The following CHN2 variants were observed in gnomAD, a reference collection of about 807,000 sequenced individuals.
The protein encoded by CHN2 is beta-chimaerin.
Under a neutral mutation model 56.3 loss-of-function variants are expected in CHN2, and 35 were observed. The observed-to-expected ratio is 0.62, with a 90% confidence interval of 0.47 to 0.82. The LOEUF (loss-of-function observed/expected upper bound fraction) is 0.82, where lower values mean the gene tolerates loss of function less well. Among genes scored for constraint, CHN2 ranks in the 40% least tolerant of loss-of-function variants. The pLI is 0.00. For missense variants in CHN2, 491 were observed against 580.5 expected (o/e 0.85, Z 1.58); for synonymous variants, 210 against 212.8 (o/e 0.99, Z 0.12).
At chr7:29,309,691 C>G (rs1473925240) in intron 1 of CHN2, among the ~76,000 whole-genome samples, 1 of 152,192 alleles carries the variant, frequency 6.6e-6, no homozygotes, top group Non-Finnish European at 1.5e-5. Flanking sequence ...TCTGTTGATT[C>G]ACGAAGATCA....
chr7:29,472,175 C>A (rs10255035), intron 6 of CHN2, among the ~76,000 whole-genome samples: 61,686 of 151,644 alleles, frequency 0.41, 12,805 homozygotes, highest in African/African-American at 0.46. Context: ...AGAGAACCAG[C>A]TCCACAATGC....
intron 2 of CHN2, among the ~76,000 whole-genome samples, chr7:29,362,867 C>G (rs141414732): frequency 2.6e-5 from 4 of 152,286 alleles, no homozygotes; most frequent in Non-Finnish European, 5.9e-5. Flanking sequence ...GGCATCTCCT[C>G]GAAGGCACAG....
At chr7:29,261,604 T>G (rs1280713455) in intron 1 of CHN2, among the ~76,000 whole-genome samples, 1 of 152,252 alleles carries the variant, frequency 6.6e-6, no homozygotes, top group Non-Finnish European at 1.5e-5. Flanking sequence ...TGCCTTATAC[T>G]GGAATCCTTA....
At chr7:29,214,153 C>T (rs1785162196) in intron 1 of CHN2, among the ~76,000 whole-genome samples, 1 of 152,184 alleles carries the variant, frequency 6.6e-6, no homozygotes, top group Non-Finnish European at 1.5e-5. Context: ...CCTTTTTAGA[C>T]TTCCATTTAT....
rs1231251134 is a variant in CHN2 at position 29,327,428 on chromosome 7, C to G, written c.50-27197C>G. ...AGCTTCAGGGACTTCGGTTTTGCTTCTGGAGAGTGCCGAAACTTCTAGTTT... is the reference window on the plus strand; with the variant it reads ...AGCTTCAGGGACTTCGGTTTTGCTTGTGGAGAGTGCCGAAACTTCTAGTTT... On this transcript the variant is annotated intron_variant, in intron 1 of 12. Coordinates refer to ENST00000222792, the MANE Select transcript of CHN2 (RefSeq NM_004067.4). 3.9e-5 allele frequency among the ~76,000 whole-genome samples: 6 copies of G among 152,174 alleles called. No homozygotes were observed. The South Asian group carries it at 6.2e-4, about 16-fold the overall frequency.
At chr7:29,180,387 C>T (rs572288706) in intron 2 of CHN2, among the ~76,000 whole-genome samples, 70 of 151,974 alleles carry the variant, frequency 4.6e-4, no homozygotes, top group African/African-American at 1.5e-3. Context: ...ATTAGCCAGG[C>T]GTGGTGGCAC....
chr7:29,212,538 C>A, intron 1 of CHN2: 1 of 1,512,592 alleles, frequency 6.6e-7, no homozygotes, highest in Non-Finnish European at 9.2e-7. Context: ...CCCATTGCTG[C>A]AGAGAATAAT....
chr7:29,395,179 C>G (rs1187643331), intron 4 of CHN2, among the ~76,000 whole-genome samples: 1 of 152,176 alleles, frequency 6.6e-6, no homozygotes. Context: ...ATACCTTCAA[C>G]TTTTGAAATT....
intron 8 of CHN2, among the ~76,000 whole-genome samples, chr7:29,498,840 C>A (rs1044476999): frequency 6.9e-6 from 1 of 144,552 alleles, no homozygotes; most frequent in Non-Finnish European, 1.5e-5. Flanking sequence ...CAGCTTACTG[C>A]AACCTCTGCC....
At chr7:29,365,934 G>A (rs1417399855) in intron 2 of CHN2, among the ~76,000 whole-genome samples, 2 of 152,148 alleles carry the variant, frequency 1.3e-5, no homozygotes, top group African/African-American at 4.8e-5. Context: ...AAGAGGAGTC[G>A]ACACACTTTG....
intron 1 of CHN2, among the ~76,000 whole-genome samples, chr7:29,327,233 C>T (rs1795876532): frequency 6.6e-6 from 1 of 152,182 alleles, no homozygotes; most frequent in Admixed American, 6.5e-5. Flanking sequence ...GTGAGCTCCC[C>T]AGACCACTGA....
chr7:29,225,492 C>T (rs1786119139), intron 1 of CHN2, among the ~76,000 whole-genome samples: 1 of 152,148 alleles, frequency 6.6e-6, no homozygotes, highest in Non-Finnish European at 1.5e-5. Flanking sequence ...GCCTGAGTGC[C>T]TTCTGACTAT....
intron 9 of CHN2, among the ~76,000 whole-genome samples, chr7:29,504,271 C>T (rs758490458): frequency 1.2e-4 from 19 of 152,018 alleles, no homozygotes; most frequent in Admixed American, 1.1e-3. Context: ...ACCCCATTTG[C>T]GCTGCTGTGA....
intron 3 of CHN2, among the ~76,000 whole-genome samples, chr7:29,371,903 T>C (rs184740992): frequency 1.3e-5 from 2 of 152,300 alleles, no homozygotes; most frequent in Non-Finnish European, 2.9e-5. Context: ...TTGTCATTTC[T>C]TGCCTGGATT....
intron 2 of CHN2, among the ~76,000 whole-genome samples, chr7:29,358,900 C>G (rs1798525279): frequency 6.6e-6 from 1 of 152,192 alleles, no homozygotes; most frequent in African/African-American, 2.4e-5. Flanking sequence ...TCCAGCAACT[C>G]AAATGACATT....
At chr7:29,493,287 T>C (rs1788858493) in intron 7 of CHN2, among the ~76,000 whole-genome samples, 1 of 152,150 alleles carries the variant, frequency 6.6e-6, no homozygotes, top group Non-Finnish European at 1.5e-5. Flanking sequence ...GGCCCTACCA[T>C]CTAGGTTTGT....
At chr7:29,419,526 A>G (rs1355616660) in intron 6 of CHN2, among the ~76,000 whole-genome samples, 1 of 152,204 alleles carries the variant, frequency 6.6e-6, no homozygotes, top group Non-Finnish European at 1.5e-5. Flanking sequence ...AAAGGATGCA[A>G]TCAACAAAGT....
At chr7:29,472,276 C>G (rs1209722367) in intron 6 of CHN2, among the ~76,000 whole-genome samples, 1 of 136,312 alleles carries the variant, frequency 7.3e-6, no homozygotes, top group Non-Finnish European at 1.5e-5. Flanking sequence ...ACAAAATACA[C>G]ACACACACAC....
intron 1 of CHN2, among the ~76,000 whole-genome samples, chr7:29,269,384 A>G (rs993631361): frequency 6.6e-6 from 1 of 152,162 alleles, no homozygotes; most frequent in Non-Finnish European, 1.5e-5. Context: ...AAAATATTTT[A>G]TTCTTTTTTG....
Sources: allele counts gnomAD v4.1 joint callset (sites outside exome capture counted in the v4.1 genomes callset), GRCh38; gene constraint gnomAD v4.1.1; transcripts MANE v1.5; gene names NCBI Gene and HGNC (gene_info 2026-07-23, HGNC 2026-07-21).